Variants in P2RX7 observed in about 807,000 individuals in gnomAD.
The protein encoded by P2RX7 is P2X purinoceptor 7.
P2RX7 carries 62 observed loss-of-function variants against 71.6 expected under a neutral mutation model. That is an observed-to-expected ratio of 0.87 (90% CI 0.71 to 1.07). P2RX7 has a LOEUF of 1.07. Among genes scored for constraint, P2RX7 ranks in the 50% least tolerant of loss-of-function variants. P2RX7 has a pLI of 0.00. For missense variants in P2RX7, 686 were observed against 748.5 expected (o/e 0.92, Z 0.97); for synonymous variants, 299 against 283.3 (o/e 1.06, Z -0.56).
intron 8 of P2RX7, among the ~76,000 whole-genome samples, chr12:121,168,763 T>C (rs758241756): frequency 6.6e-6 from 1 of 152,192 alleles, no homozygotes; most frequent in Non-Finnish European, 1.5e-5. Context: ...TCTCATGATT[T>C]TCTCACCTAC....
intron 1 of P2RX7, among the ~76,000 whole-genome samples, chr12:121,147,032 G>C (rs999475159): frequency 6.6e-6 from 1 of 152,228 alleles, no homozygotes; most frequent in Non-Finnish European, 1.5e-5. Flanking sequence ...AAAACTGTTA[G>C]AGCAAATAAA....
At chr12:121,161,223 C>T (rs1213304378) in intron 4 of P2RX7, among the ~76,000 whole-genome samples, 6 of 152,140 alleles carry the variant, frequency 3.9e-5, no homozygotes, top group East Asian at 1.9e-4. Flanking sequence ...GGATTCTAAT[C>T]GGTAGAAAAT....
chr12:121,171,818 G>A (rs1438828218), intron 8 of P2RX7, among the ~76,000 whole-genome samples: 4 of 151,382 alleles, frequency 2.6e-5, no homozygotes, highest in African/African-American at 9.7e-5. Context: ...GAGGGGCTCA[G>A]GAGTCTGCCT....
intron 8 of P2RX7, 127 bp downstream of exon 8, chr12:121,167,751 T>C (rs1291962841): frequency 2.9e-6 from 2 of 698,496 alleles, no homozygotes; most frequent in African/African-American, 1.9e-5. Flanking sequence ...AACTAGGTGA[T>C]AACTGAATTT....
At chr12:121,180,147 CAAAA>C (rs60397642) in intron 11 of P2RX7, among the ~76,000 whole-genome samples, 2 of 64,666 alleles carry the variant, frequency 3.1e-5, no homozygotes, top group Non-Finnish European at 5.9e-5. Flanking sequence ...AACTCCAACT[CAAAA>C]AAAAAAAAAA....
intron 1 of P2RX7, among the ~76,000 whole-genome samples, chr12:121,144,520 G>T (rs1299797815): frequency 1.3e-5 from 2 of 152,150 alleles, no homozygotes; most frequent in Non-Finnish European, 2.9e-5. Context: ...TATTACAAAA[G>T]AAGAAACAAT....
At chr12:121,166,777 C>G (rs897656994) in intron 7 of P2RX7, among the ~76,000 whole-genome samples, 1 of 151,810 alleles carries the variant, frequency 6.6e-6, no homozygotes, top group Non-Finnish European at 1.5e-5. Flanking sequence ...CACGGTGGCT[C>G]ATGCCTGTAA....
intron 1 of P2RX7, among the ~76,000 whole-genome samples, chr12:121,153,684 A>AG (rs59285494): frequency 8.6e-5 from 13 of 151,918 alleles, no homozygotes; most frequent in African/African-American, 2.4e-4. Flanking sequence ...TCTCAAAAAA[A>AG]CATAATAAAA....
In P2RX7 at chr12:121,184,411, C is replaced by T. The variant is rs201763761; in HGVS notation, c.1397C>T (p.Ala466Val). The change falls in exon 13 of 13, where the codon GCG (alanine) becomes GTG (valine). Residue 466 changes from alanine to valine, a missense_variant. Ala to Val is a moderately conservative substitution (Grantham distance 64). Coordinates refer to ENST00000328963, the MANE Select transcript of P2RX7 (RefSeq NM_002562.6). Reference sequence around the variant, plus strand: ...GAGATACAGCTGCTTAGAAAGGAGGCGACTCCTAGATCCAGGGATAGCCCC... The same window carrying T: ...GAGATACAGCTGCTTAGAAAGGAGGTGACTCCTAGATCCAGGGATAGCCCC... ...PEEIQLLRKE[A>V]TPRSRDSPVW... 6.8e-6 allele frequency: 11 copies of T among 1,614,002 alleles called. No individual in the cohort carries two copies. The highest frequency in any genetic ancestry group is 1.3e-5 in the African/African-American group (1 of 74,916).
rs1013874780 is a variant in P2RX7, at chr12:121,133,442, C to A, written c.125+347C>A. Among the ~76,000 whole-genome samples, 3 of 152,246 alleles carry A rather than the reference C, an allele frequency of 2.0e-5. No homozygotes were observed. The South Asian group carries it at 6.2e-4, about 31-fold the overall frequency. ...TCTCAGGGCACGCCTGGTGATCATG[C>A]TGGCATCTGAGTCACCATGCTTGGG... On this transcript the variant is annotated intron_variant, in intron 1 of 12. Coordinates refer to ENST00000328963, the MANE Select transcript of P2RX7 (RefSeq NM_002562.6).
intron 1 of P2RX7, among the ~76,000 whole-genome samples, chr12:121,146,632 G>A (rs139329297): frequency 7.9e-5 from 12 of 152,288 alleles, no homozygotes; most frequent in African/African-American, 2.6e-4. Flanking sequence ...TTGCTTTGCT[G>A]ATAGAAGCAT....
chr12:121,168,956 T>C (rs1425159419), intron 8 of P2RX7, among the ~76,000 whole-genome samples: 1 of 152,124 alleles, frequency 6.6e-6, no homozygotes, highest in Non-Finnish European at 1.5e-5. Flanking sequence ...AAAATATCTA[T>C]AGTTATAATG....
rs1376003553 is a variant in P2RX7 at position 121,167,480 on chromosome 12, T to C, written c.745-8T>C. The C allele has an allele frequency of 1.2e-5, 19 of 1,613,680 alleles. No individual in the cohort carries two copies. The highest frequency in any genetic ancestry group is 1.5e-5 in the Non-Finnish European group (18 of 1,179,858). ...AGCCATAGAGACTGTCCCTTGTTGATCCTTCAGGGCGGAATAATGGGCATT... is the reference window on the plus strand; with the variant it reads ...AGCCATAGAGACTGTCCCTTGTTGACCCTTCAGGGCGGAATAATGGGCATT... On this transcript the variant is annotated splice_region_variant and splice_polypyrimidine_tract_variant and intron_variant, in intron 7 of 12. Coordinates refer to ENST00000328963, the MANE Select transcript of P2RX7 (RefSeq NM_002562.6).
chr12:121,167,524 A>C lies in P2RX7; in HGVS notation c.781A>C (p.Asn261His), dbSNP rs749477529. 44 of 1,613,926 alleles carry C rather than the reference A, an allele frequency of 2.7e-5. No individual in the cohort carries two copies. The highest frequency in any genetic ancestry group is 3.7e-5 in the Non-Finnish European group (44 of 1,179,910). ...IMGIEIYWDC[N>H]LDRWFHHCRP... ...GGGCATTGAGATCTACTGGGACTGCAACCTAGACCGTTGGTTCCATCACTG... is the reference window on the plus strand; with the variant it reads ...GGGCATTGAGATCTACTGGGACTGCCACCTAGACCGTTGGTTCCATCACTG... The change falls in exon 8 of 13, where the codon AAC becomes CAC. Residue 261 changes from asparagine (N) to histidine (H), a missense_variant. Coordinates refer to ENST00000328963, the MANE Select transcript of P2RX7 (RefSeq NM_002562.6).
At chr12:121,148,586 C>A (rs1876739401) in intron 1 of P2RX7, among the ~76,000 whole-genome samples, 1 of 152,058 alleles carries the variant, frequency 6.6e-6, no homozygotes, top group Admixed American at 6.6e-5. Flanking sequence ...AGGAGTCTGA[C>A]CCCCAAAACT....
Position 121,185,291 on chromosome 12 carries a change from A to G in P2RX7, c.*489A>G, listed in dbSNP as rs200853001. ...AGAATCCCTCTACATGGACTCAGAG[A>G]AAAGAGATTGAGATGTAAGTCTCAA... On this transcript the variant is annotated 3_prime_UTR_variant, in exon 13 of 13. Coordinates refer to ENST00000328963, the MANE Select transcript of P2RX7 (RefSeq NM_002562.6). 1 of 154,512 alleles carries G rather than the reference A, an allele frequency of 6.5e-6. No homozygotes were observed. The highest frequency in any genetic ancestry group is 1.4e-5 in the Non-Finnish European group (1 of 69,672). The allele number at this position is 154,512 out of a possible 1,614,324, so 9.6% of individuals were successfully genotyped here.
intron 11 of P2RX7, 143 bp downstream of exon 11, chr12:121,177,589 C>T: frequency 1.2e-6 from 1 of 807,856 alleles, no homozygotes. Context: ...AACCAACTCT[C>T]AGATAAATTT....
chr12:121,162,568 A>C (rs1332528857), intron 5 of P2RX7, 48 bp downstream of exon 5: 1 of 1,600,360 alleles, frequency 6.2e-7, no homozygotes, highest in Admixed American at 1.7e-5. Flanking sequence ...CGGCGACCAG[A>C]TGAGGCCTTG....
intron 1 of P2RX7, among the ~76,000 whole-genome samples, chr12:121,135,446 C>T (rs1873348492): frequency 6.6e-6 from 1 of 151,878 alleles, no homozygotes. Context: ...CTCAAAGTAA[C>T]CACGTCCAAG....
Sources: allele counts gnomAD v4.1 joint callset (sites outside exome capture counted in the v4.1 genomes callset), GRCh38; gene constraint gnomAD v4.1.1; transcripts MANE v1.5; gene names NCBI Gene and HGNC (gene_info 2026-07-23, HGNC 2026-07-21).